The following PPP4R2 variants were observed in gnomAD, a reference collection of about 807,000 sequenced individuals.
PPP4R2 encodes the protein protein phosphatase 4 regulatory subunit 2.
PPP4R2 carries 13 observed loss-of-function variants against 47.2 expected under a neutral mutation model. That is an observed-to-expected ratio of 0.28 (90% CI 0.18 to 0.44). The LOEUF is 0.44. Ranked by LOEUF, PPP4R2 falls within the 20% of genes least tolerant of loss-of-function variation. PPP4R2 has a pLI of 1.00. For missense variants in PPP4R2, 421 were observed against 491.2 expected, an observed-to-expected ratio of 0.86 and a Z score of 1.35; for synonymous variants, 151 against 163.3, an observed-to-expected ratio of 0.92 and a Z score of 0.57.
chr3:73,045,153 C>G (rs577098998), intron 2 of PPP4R2, among the ~76,000 whole-genome samples: 54 of 152,160 alleles, frequency 3.5e-4, no homozygotes, highest in Non-Finnish European at 6.2e-4. Flanking sequence ...ACCACCATGC[C>G]TAATTTAAAT....
intron 2 of PPP4R2, among the ~76,000 whole-genome samples, chr3:73,023,212 TC>T (rs1245750813): frequency 1.3e-5 from 2 of 152,018 alleles, no homozygotes; most frequent in Admixed American, 6.6e-5. Flanking sequence ...AGATGGAATT[TC>T]GCTCTTGTTG....
rs67945272 is a variant in PPP4R2 at position 73,004,944 on chromosome 3, CGTGTGTGTGTGT to C, written c.116+6821_116+6832del. 8.0e-3 allele frequency among the ~76,000 whole-genome samples: 932 copies of C among 117,024 alleles called. 8 individuals carry two copies. The highest frequency in any genetic ancestry group is 0.023 in the African/African-American group (691 of 29,892). The allele number at this position is 117,024 out of a possible 152,430, so 76.8% of individuals were successfully genotyped here. A position where few individuals can be genotyped will look rare whatever the true frequency, so the allele number is the denominator to read the frequency against. On this transcript the variant is annotated intron_variant, in intron 2 of 8. Transcript: ENST00000356692. ...GTGTTTGTGTGTTTTGAGTCGGAGT[CGTGTGTGTGTGT>C]GTGTGTGTGTGTGTGTGTGTGTGTG...
At chr3:73,035,965 TAGAG>T (rs767280877) in intron 2 of PPP4R2, among the ~76,000 whole-genome samples, 1 of 152,280 alleles carries the variant, frequency 6.6e-6, no homozygotes, top group South Asian at 2.1e-4. Flanking sequence ...GTAGCCAAGA[TAGAG>T]AATCAATCTA....
At chr3:73,011,594 G>A (rs574749764) in intron 2 of PPP4R2, among the ~76,000 whole-genome samples, 44 of 152,220 alleles carry the variant, frequency 2.9e-4, no homozygotes, top group African/African-American at 6.0e-4. Context: ...ATGTACTGTG[G>A]GGTATTTTGG....
intron 2 of PPP4R2, among the ~76,000 whole-genome samples, chr3:73,002,274 G>A (rs1241256227): frequency 1.3e-5 from 2 of 152,214 alleles, no homozygotes; most frequent in East Asian, 3.9e-4. Context: ...TATTTTTGAG[G>A]CAAGGTCTTG....
At chr3:73,060,056 A>T (rs1008852190) in intron 4 of PPP4R2, among the ~76,000 whole-genome samples, 4 of 152,170 alleles carry the variant, frequency 2.6e-5, no homozygotes, top group African/African-American at 9.7e-5. Context: ...GAGAACCAAG[A>T]TTGGACTAAT....
intron 2 of PPP4R2, among the ~76,000 whole-genome samples, chr3:73,043,862 CT>C (rs1702429909): frequency 6.6e-6 from 1 of 152,186 alleles, no homozygotes; most frequent in South Asian, 2.1e-4. Context: ...ATCTGCAGAA[CT>C]TTTCATTTAC....
At chr3:73,055,286 A>G (rs1239163121) in intron 3 of PPP4R2, among the ~76,000 whole-genome samples, 1 of 152,114 alleles carries the variant, frequency 6.6e-6, no homozygotes, top group Admixed American at 6.6e-5. Flanking sequence ...TACCATATAC[A>G]TTATGTCGTA....
At chr3:73,025,465 C>T (rs766090277) in intron 2 of PPP4R2, among the ~76,000 whole-genome samples, 13 of 152,186 alleles carry the variant, frequency 8.5e-5, no homozygotes, top group Admixed American at 3.3e-4. Flanking sequence ...ATCATGGAAC[C>T]TCATCTTTAT....
chr3:72,998,296 T>C, intron 2 of PPP4R2, 138 bp downstream of exon 2: 1 of 565,030 alleles, frequency 1.8e-6, no homozygotes. Flanking sequence ...AAATAATTTA[T>C]ATATTTACAT....
At chr3:73,012,704 G>C (rs1701749847) in intron 2 of PPP4R2, among the ~76,000 whole-genome samples, 1 of 152,104 alleles carries the variant, frequency 6.6e-6, no homozygotes, top group Admixed American at 6.6e-5. Flanking sequence ...GCAACTAAAG[G>C]GAATTTAATA....
chr3:73,014,471 G>C (rs561228283), intron 2 of PPP4R2, among the ~76,000 whole-genome samples: 1 of 152,034 alleles, frequency 6.6e-6, no homozygotes, highest in East Asian at 1.9e-4. Context: ...TTTTTTTGTA[G>C]AGATGGGGTC....
Position 73,067,343 on chromosome 3 carries a change from G to GT in PPP4R2, c.*1625dup, listed in dbSNP as rs1703018953. 1 of 152,050 alleles carries GT rather than the reference G, an allele frequency of 6.6e-6. No individual in the cohort carries two copies. Among genetic ancestry groups the GT allele is most frequent in the East Asian group, 1.9e-4 (1 of 5,200 alleles). The allele number at this position is 152,050 out of a possible 1,614,324, so 9.4% of individuals were successfully genotyped here. ...TGGGTGATTTGGGGGGCAACCACAA[G>GT]TTTTGCGTTTTGACTACTTAAATCA... is the stretch of plus-strand genomic sequence containing the variant. On this transcript the variant is annotated 3_prime_UTR_variant, in exon 9 of 9. Transcript: ENST00000356692.
chr3:73,043,320 C>A (rs997238744), intron 2 of PPP4R2, among the ~76,000 whole-genome samples: 8 of 147,004 alleles, frequency 5.4e-5, no homozygotes, highest in African/African-American at 2.0e-4. Context: ...ATTAAAAATT[C>A]TGCTTGTTAA....
At chr3:73,039,647 T>C (rs1383916958) in intron 2 of PPP4R2, among the ~76,000 whole-genome samples, 1 of 152,170 alleles carries the variant, frequency 6.6e-6, no homozygotes, top group Non-Finnish European at 1.5e-5. Flanking sequence ...TTGTCACAAC[T>C]GGAGTGGGTG....
chr3:73,044,660 C>T (rs1443953581), intron 2 of PPP4R2, among the ~76,000 whole-genome samples: 1 of 152,072 alleles, frequency 6.6e-6, no homozygotes, highest in Non-Finnish European at 1.5e-5. Context: ...AATAGCCAAC[C>T]CTAATGGGTG....
chr3:73,052,096 A>G (rs1702625817), intron 3 of PPP4R2, among the ~76,000 whole-genome samples: 1 of 152,188 alleles, frequency 6.6e-6, no homozygotes, highest in African/African-American at 2.4e-5. Flanking sequence ...TGGAATGACT[A>G]GGTGCGTGGA....
intron 2 of PPP4R2, among the ~76,000 whole-genome samples, chr3:73,002,881 A>T (rs967429104): frequency 4.0e-5 from 6 of 151,424 alleles, no homozygotes; most frequent in Non-Finnish European, 8.8e-5. Flanking sequence ...TGACCTCGTG[A>T]TCCATCCACC....
chr3:73,051,690 A>C (rs1702615906), intron 3 of PPP4R2, among the ~76,000 whole-genome samples: 1 of 152,134 alleles, frequency 6.6e-6, no homozygotes, highest in Non-Finnish European at 1.5e-5. Context: ...CAATGGCTCA[A>C]TCTCAGCTCA....
Sources: gnomAD v4.1 joint callset for allele counts (sites outside exome capture counted in the v4.1 genomes callset) on GRCh38, gnomAD v4.1.1 for gene constraint, MANE v1.5 for transcripts, NCBI Gene and HGNC (gene_info 2026-07-23, HGNC 2026-07-21) for gene names.